The following CADM2 variants were observed in gnomAD, a reference collection of about 807,000 sequenced individuals.
The protein encoded by CADM2 is cell adhesion molecule 2.
Under a neutral mutation model 49.8 loss-of-function variants are expected in CADM2, and 12 were observed. That is an observed-to-expected ratio of 0.24 (90% CI 0.15 to 0.39). The LOEUF (loss-of-function observed/expected upper bound fraction) is 0.39, where lower values mean the gene tolerates loss of function less well. CADM2 is among the 10% of genes least tolerant of loss of function. The pLI, the probability that CADM2 is intolerant of heterozygous loss-of-function variation, is 1.00. For synonymous variants in CADM2, 214 were observed against 175.4 expected, an observed-to-expected ratio of 1.22 and a Z score of -1.74; for missense variants, 378 against 492.3, an observed-to-expected ratio of 0.77 and a Z score of 2.20.
chr3:85,172,929 A>G (rs1576038642), intron 1 of CADM2, among the ~76,000 whole-genome samples: 4 of 128,828 alleles, frequency 3.1e-5, no homozygotes, highest in African/African-American at 1.7e-4. Flanking sequence ...AATAATATAT[A>G]ATATATTATA....
intron 1 of CADM2, among the ~76,000 whole-genome samples, chr3:85,529,450 TTTAA>T (rs1165463846): frequency 6.6e-6 from 1 of 152,214 alleles, no homozygotes; most frequent in African/African-American, 2.4e-5. Flanking sequence ...CTGCCAATGA[TTTAA>T]TTAATTCCCA....
chr3:85,318,891 T>C (rs1576341583), intron 1 of CADM2, among the ~76,000 whole-genome samples: 1 of 152,172 alleles, frequency 6.6e-6, no homozygotes, highest in Non-Finnish European at 1.5e-5. Context: ...TAATATTTTA[T>C]TTCATTCACC....
chr3:85,656,154 T>G lies in CADM2; in HGVS notation c.62-70368T>G, dbSNP rs568113711. ...TATTAGAAAAAGCTATGATCCTAAC[T>G]TTTTTATATTCTTGTTTTTTAGTTT... On this transcript the variant is annotated intron_variant, in intron 1 of 9. Coordinates refer to ENST00000383699, the MANE Select transcript of CADM2 (RefSeq NM_001167675.2). Among the ~76,000 whole-genome samples, 25 of 152,258 alleles carry G rather than the reference T, an allele frequency of 1.6e-4. No individual in the cohort carries two copies. In the East Asian group the frequency reaches 4.8e-3, roughly 29 times the overall value.
At chr3:85,703,854 C>A (rs375000349) in intron 1 of CADM2, among the ~76,000 whole-genome samples, 3 of 152,266 alleles carry the variant, frequency 2.0e-5, no homozygotes, top group South Asian at 2.1e-4. Flanking sequence ...ATGTCTCACC[C>A]CCATACCATC....
chr3:85,498,177 T>G (rs56118786), intron 1 of CADM2, among the ~76,000 whole-genome samples: 2,391 of 151,754 alleles, frequency 0.016, 83 homozygotes, highest in African/African-American at 0.055. Context: ...CCAAGTTTTT[T>G]TTTTTTTTTT....
At chr3:84,985,060 T>G (rs1400581838) in intron 1 of CADM2, among the ~76,000 whole-genome samples, 1 of 152,148 alleles carries the variant, frequency 6.6e-6, no homozygotes, top group African/African-American at 2.4e-5. Context: ...AATTAATTTT[T>G]GGTACGTGGG....
intron 1 of CADM2, among the ~76,000 whole-genome samples, chr3:85,235,106 A>G (rs904345161): frequency 6.6e-6 from 1 of 151,892 alleles, no homozygotes; most frequent in Non-Finnish European, 1.5e-5. Flanking sequence ...TTAATCTACA[A>G]TCTGTTAAGG....
At chr3:85,174,323 GGTTT>G (rs1301549414) in intron 1 of CADM2, among the ~76,000 whole-genome samples, 1 of 152,020 alleles carries the variant, frequency 6.6e-6, no homozygotes, top group East Asian at 1.9e-4. Flanking sequence ...TAAATTGTCA[GGTTT>G]GTTATGTCCT....
intron 1 of CADM2, among the ~76,000 whole-genome samples, chr3:85,433,941 G>A (rs960446820): frequency 6.6e-6 from 1 of 151,870 alleles, no homozygotes; most frequent in Non-Finnish European, 1.5e-5. Context: ...GGATCCCTGG[G>A]GTCAGGTTAC....
At chr3:85,415,152 T>G (rs2035856538) in intron 1 of CADM2, among the ~76,000 whole-genome samples, 1 of 152,162 alleles carries the variant, frequency 6.6e-6, no homozygotes, top group Non-Finnish European at 1.5e-5. Context: ...TGTAAATAAT[T>G]TGCTTAAACT....
chr3:85,753,778 T>C (rs1187051056), intron 2 of CADM2, among the ~76,000 whole-genome samples: 1 of 152,070 alleles, frequency 6.6e-6, no homozygotes, highest in African/African-American at 2.4e-5. Context: ...CGCGAACTCG[T>C]ATGCGTCTGC....
chr3:85,329,734 TATAAC>T (rs552053640), intron 1 of CADM2, among the ~76,000 whole-genome samples: 149 of 152,276 alleles, frequency 9.8e-4, no homozygotes, highest in Middle Eastern at 3.4e-3. Flanking sequence ...TTTAAACATA[TATAAC>T]ATATGTTTCC....
chr3:85,015,402 G>A (rs1363191670), intron 1 of CADM2, among the ~76,000 whole-genome samples: 1 of 152,018 alleles, frequency 6.6e-6, no homozygotes, highest in Non-Finnish European at 1.5e-5. Context: ...TTTTCTTCAT[G>A]ATTATATTAC....
At chr3:85,784,163 A>C (rs1316840076) in intron 2 of CADM2, among the ~76,000 whole-genome samples, 1 of 152,202 alleles carries the variant, frequency 6.6e-6, no homozygotes, top group Non-Finnish European at 1.5e-5. Context: ...AATAACCAGA[A>C]CACTTGGAAT....
intron 1 of CADM2, among the ~76,000 whole-genome samples, chr3:85,541,090 A>C (rs1289941931): frequency 6.6e-6 from 1 of 151,560 alleles, no homozygotes; most frequent in Non-Finnish European, 1.5e-5. Flanking sequence ...ATTCAATAAA[A>C]TTATTATAAT....
At chr3:85,825,865 T>C (rs1179918277) in intron 3 of CADM2, among the ~76,000 whole-genome samples, 2 of 152,046 alleles carry the variant, frequency 1.3e-5, no homozygotes, top group Non-Finnish European at 2.9e-5. Flanking sequence ...GCTGTGTGTA[T>C]AAATGTTTTC....
chr3:85,452,508 T>C (rs1308031959), intron 1 of CADM2, among the ~76,000 whole-genome samples: 2 of 152,148 alleles, frequency 1.3e-5, no homozygotes, highest in Non-Finnish European at 1.5e-5. Context: ...TATCTATTAA[T>C]TTATTGCATG....
intron 1 of CADM2, among the ~76,000 whole-genome samples, chr3:85,207,858 G>T (rs1430603479): frequency 6.6e-6 from 1 of 151,906 alleles, no homozygotes; most frequent in Non-Finnish European, 1.5e-5. Context: ...GAGTTTTTTT[G>T]TTTTTAATCA....
chr3:84,996,147 C>T (rs1269388820), intron 1 of CADM2, among the ~76,000 whole-genome samples: 2 of 152,140 alleles, frequency 1.3e-5, no homozygotes, highest in East Asian at 1.9e-4. Flanking sequence ...TTGTGGACTA[C>T]ACCAACTTTA....
Sources: allele counts gnomAD v4.1 joint callset (sites outside exome capture counted in the v4.1 genomes callset), GRCh38; gene constraint gnomAD v4.1.1; transcripts MANE v1.5; gene names NCBI Gene and HGNC (gene_info 2026-07-23, HGNC 2026-07-21).